Variants in OSBPL3 observed in about 807,000 individuals in gnomAD.
OSBPL3 encodes the protein oxysterol binding protein like 3.
OSBPL3 carries 65 observed loss-of-function variants against 120.1 expected under a neutral mutation model. That is an observed-to-expected ratio of 0.54 (90% CI 0.44 to 0.67). The LOEUF (loss-of-function observed/expected upper bound fraction) is 0.67. OSBPL3 is among the 30% of genes least tolerant of loss of function. The pLI, the probability that OSBPL3 is intolerant of heterozygous loss-of-function variation, is 0.00. For synonymous variants in OSBPL3, 416 were observed against 402.6 expected (o/e 1.03, Z -0.40); for missense variants, 1,004 against 1,082.1 (o/e 0.93, Z 1.01).
Position 24,833,493 on chromosome 7 carries a change from G to A in OSBPL3, c.1746+993C>T, listed in dbSNP as rs548217254. 2.0e-5 allele frequency among the ~76,000 whole-genome samples: 3 copies of A among 152,324 alleles called. No individual in the cohort carries two copies. In the East Asian group the frequency reaches 5.8e-4, roughly 29 times the overall value. On this transcript the variant is annotated intron_variant, in intron 15 of 22. Coordinates refer to ENST00000313367, the MANE Select transcript of OSBPL3 (RefSeq NM_015550.4). This position sits in a 1 kb window ranked among gnomAD's most constrained non-coding sequence, Gnocchi z 4.4. Reference sequence around the variant, plus strand: ...ATCATTGAAGTAATGATGTTTTAATGAGCGCTAGAACTGCAGAATGCTTAG... The same window carrying A: ...ATCATTGAAGTAATGATGTTTTAATAAGCGCTAGAACTGCAGAATGCTTAG...
chr7:24,870,284 C>T (rs1394453223), intron 5 of OSBPL3, among the ~76,000 whole-genome samples: 1 of 152,176 alleles, frequency 6.6e-6, no homozygotes, highest in African/African-American at 2.4e-5. Flanking sequence ...GGAAAAATTC[C>T]TGACATTTTT....
intron 1 of OSBPL3, among the ~76,000 whole-genome samples, chr7:24,908,044 C>T (rs1311727163): frequency 2.0e-5 from 3 of 152,186 alleles, no homozygotes; most frequent in Non-Finnish European, 4.4e-5. Flanking sequence ...GCTATTCCTT[C>T]CTTGTGAGAT....
At chr7:24,979,531 C>G (rs1180434669) in intron 1 of OSBPL3, among the ~76,000 whole-genome samples, 1 of 152,198 alleles carries the variant, frequency 6.6e-6, no homozygotes, top group African/African-American at 2.4e-5. Context: ...AGCCTCTAGC[C>G]CCGGCGTAGC....
At position 24,831,328 on chromosome 7, in the gene OSBPL3, G is replaced by A. The variant is rs1267280617; in HGVS notation, c.1747-423C>T. ...TGTTAAAAAATCCCTCCAAAACTCA[G>A]GAATCAGCATCATAAATTTAACCAT... On this transcript the variant is annotated intron_variant, in intron 15 of 22. Transcript: ENST00000313367. The surrounding 1 kb of genome is among the most constrained non-coding windows in gnomAD (Gnocchi z 4.0). Among the ~76,000 whole-genome samples the A allele has an allele frequency of 6.6e-6, 1 of 152,020 alleles. No homozygotes were observed. Among genetic ancestry groups the A allele is most frequent in the African/African-American group, 2.4e-5 (1 of 41,380 alleles).
rs1201503711 is a variant in OSBPL3, at chr7:24,862,144, C to T, written c.871-375G>A. Among the ~76,000 whole-genome samples, 1 of 152,154 alleles carries T rather than the reference C, an allele frequency of 6.6e-6. No individual in the cohort carries two copies. Among genetic ancestry groups the T allele is most frequent in the South Asian group, 2.1e-4 (1 of 4,830 alleles). ...CTTGTGTTCTGCCCGCCTCAGCCTT[C>T]CAAAGTGCTGGGATTACAGGCGTGA... On this transcript the variant is annotated intron_variant, in intron 9 of 22. Coordinates refer to ENST00000313367, the MANE Select transcript of OSBPL3 (RefSeq NM_015550.4). This position sits in a 1 kb window ranked among gnomAD's most constrained non-coding sequence, Gnocchi z 4.4.
chr7:24,887,426 G>A (rs898967489), intron 2 of OSBPL3, among the ~76,000 whole-genome samples: 1 of 152,184 alleles, frequency 6.6e-6, no homozygotes, highest in African/African-American at 2.4e-5. Context: ...TCCAGAACTG[G>A]CCAAAGTAAA....
intron 1 of OSBPL3, among the ~76,000 whole-genome samples, chr7:24,901,111 C>T (rs896162483): frequency 2.6e-5 from 4 of 151,612 alleles, no homozygotes; most frequent in Admixed American, 6.6e-5. Flanking sequence ...GGGCGGATCA[C>T]GAGGTCAAGA....
Position 24,932,376 on chromosome 7 carries a change from A to G in OSBPL3, c.-149-39755T>C, listed in dbSNP as rs1235017567. 1.3e-5 allele frequency among the ~76,000 whole-genome samples: 2 copies of G among 152,184 alleles called. No individual in the cohort carries two copies. The highest frequency in any genetic ancestry group is 4.8e-5 in the African/African-American group (2 of 41,440). On this transcript the variant is annotated intron_variant, in intron 1 of 22. Transcript: ENST00000313367. The surrounding 1 kb of genome is among the most constrained non-coding windows in gnomAD (Gnocchi z 5.6). ...AATGCAAGAGCAAGAGAACACCACC[A>G]ACACAAACCAGGATCATAAACATCC...
Position 24,834,240 on chromosome 7 carries a change from A to G in OSBPL3, c.1746+246T>C. The G allele has an allele frequency of 8.0e-7, 1 of 1,245,122 alleles. No individual in the cohort carries two copies. Among genetic ancestry groups the G allele is most frequent in the East Asian group, 3.8e-5 (1 of 26,502 alleles). 77.1% of individuals were successfully genotyped at this position (1,245,122 alleles called of 1,614,324 possible). A position where few individuals can be genotyped will look rare whatever the true frequency, so the allele number is the denominator to read the frequency against. On this transcript the variant is annotated intron_variant, in intron 15 of 22. Transcript: ENST00000313367. The surrounding 1 kb of genome is among the most constrained non-coding windows in gnomAD (Gnocchi z 5.2). ...GGAGAAAGAGGAAGCACAAACCCAC[A>G]GAACAGAACTACCCCAGGCACCAAG...
chr7:24,810,810 T>C (rs866291840), intron 19 of OSBPL3, among the ~76,000 whole-genome samples: 3 of 152,248 alleles, frequency 2.0e-5, no homozygotes, highest in Non-Finnish European at 2.9e-5. Flanking sequence ...CTGGTTTATG[T>C]CACTTATCCT....
chr7:24,857,528 G>C (rs1207639795), intron 10 of OSBPL3, among the ~76,000 whole-genome samples: 2 of 152,168 alleles, frequency 1.3e-5, no homozygotes, highest in African/African-American at 4.8e-5. Flanking sequence ...AACCAAAAGA[G>C]TCAGGACAAC....
At position 24,891,425 on chromosome 7, in the gene OSBPL3, G is replaced by A. The variant is rs1045581071; in HGVS notation, c.96+952C>T. On this transcript the variant is annotated intron_variant, in intron 2 of 22. Coordinates refer to ENST00000313367, the MANE Select transcript of OSBPL3 (RefSeq NM_015550.4). This position sits in a 1 kb window ranked among gnomAD's most constrained non-coding sequence, Gnocchi z 4.1. ...GATGATGTGTCATAAACGTGTAGAC[G>A]TGACTGAGGTGGGAGTTGCTTAATT... Among the ~76,000 whole-genome samples, 13 of 152,298 alleles carry A rather than the reference G, an allele frequency of 8.5e-5. No homozygotes were observed. Among genetic ancestry groups the A allele is most frequent in the Admixed American group, 7.8e-4 (12 of 15,296 alleles).
rs200196275 is a variant in OSBPL3 at position 24,816,730 on chromosome 7, T to C, written c.1949-42A>G. The C allele has an allele frequency of 4.9e-5, 63 of 1,282,062 alleles. No homozygotes were observed. The African/African-American group carries it at 7.9e-4, about 16-fold the overall frequency. The allele number at this position is 1,282,062 out of a possible 1,614,324, so 79.4% of individuals were successfully genotyped here. A position where few individuals can be genotyped will look rare whatever the true frequency, so the allele number is the denominator to read the frequency against. ...AATATTACATTTTTAGCAGGAGAGG[T>C]AGGTAGATGAAATAGTTCCTAGGCT... On this transcript the variant is annotated intron_variant, in intron 17 of 22. Transcript: ENST00000313367.
chr7:24,973,926 C>A (rs1817298897), intron 1 of OSBPL3, among the ~76,000 whole-genome samples: 1 of 151,846 alleles, frequency 6.6e-6, no homozygotes, highest in African/African-American at 2.4e-5. Flanking sequence ...GTAATAGGAG[C>A]CATAGATGTA....
At position 24,979,924 on chromosome 7, in the gene OSBPL3, G is replaced by T; in HGVS notation, c.-188C>A. On this transcript the variant is annotated 5_prime_UTR_variant, in exon 1 of 23. Transcript: ENST00000313367. ...AGCCGGAGACGCTCCCTAGTTCCCC[G>T]GGGCCGGGCTCCGGGGTTAGCGCAC... The T allele has an allele frequency of 1.0e-6, 1 of 972,456 alleles. No homozygotes were observed. Among genetic ancestry groups the T allele is most frequent in the Non-Finnish European group, 1.2e-6 (1 of 823,904 alleles). 60.2% of individuals were successfully genotyped at this position (972,456 alleles called of 1,614,324 possible).
chr7:24,832,446 G>T (rs1258804909), intron 15 of OSBPL3, among the ~76,000 whole-genome samples: 2 of 148,580 alleles, frequency 1.3e-5, no homozygotes, highest in Admixed American at 1.4e-4. Flanking sequence ...GGAGGTGGAG[G>T]TTGCAGTGAG....
chr7:24,879,093 T>C lies in OSBPL3; in HGVS notation c.97-7024A>G, dbSNP rs561707247. On this transcript the variant is annotated intron_variant, in intron 2 of 22. Transcript: ENST00000313367. The surrounding 1 kb of genome is among the most constrained non-coding windows in gnomAD (Gnocchi z 5.6). ...AGTGCTATGAAAAATGGCAAAAACA[T>C]GGCTGATCTATGAAAGTCTCTGGAG... Among the ~76,000 whole-genome samples the C allele has an allele frequency of 6.6e-6, 1 of 152,270 alleles. No homozygotes were observed. Among genetic ancestry groups the C allele is most frequent in the South Asian group, 2.1e-4 (1 of 4,824 alleles).
chr7:24,898,364 G>A lies in OSBPL3; in HGVS notation c.-149-5743C>T, dbSNP rs1392840488. Among the ~76,000 whole-genome samples, 2 of 152,204 alleles carry A rather than the reference G, an allele frequency of 1.3e-5. No homozygotes were observed. Among genetic ancestry groups the A allele is most frequent in the African/African-American group, 4.8e-5 (2 of 41,444 alleles). On this transcript the variant is annotated intron_variant, in intron 1 of 22. Transcript: ENST00000313367. This position sits in a 1 kb window ranked among gnomAD's most constrained non-coding sequence, Gnocchi z 4.3. ...ACTGTTTCTGGGAGAGGAGTACTAA[G>A]TTTCTGGGAGATGAGTACTAAGGCT...
chr7:24,850,421 T>C (rs1562823602), intron 11 of OSBPL3, among the ~76,000 whole-genome samples: 1 of 152,214 alleles, frequency 6.6e-6, no homozygotes. Context: ...TCAGCCTATA[T>C]GTCTGTCTTT....
Sources: gnomAD v4.1 joint callset for allele counts (sites outside exome capture counted in the v4.1 genomes callset) on GRCh38, gnomAD v4.1.1 for gene constraint, Gnocchi (gnomAD v3.1) non-coding constraint, MANE v1.5 for transcripts, NCBI Gene and HGNC (gene_info 2026-07-23, HGNC 2026-07-21) for gene names.